LDLRAD4: variants seen among roughly 807,000 people sequenced by gnomAD.
The protein encoded by LDLRAD4 is low density lipoprotein receptor class A domain containing 4, also known as low-density lipoprotein receptor class A domain-containing protein 4.
A neutral mutation model predicts 17.0 loss-of-function variants in LDLRAD4; 5 were observed. That is an observed-to-expected ratio of 0.29 (90% confidence interval 0.15 to 0.62). The LOEUF is 0.62. Ranked by LOEUF, LDLRAD4 falls within the 20% of genes least tolerant of loss-of-function variation. The pLI is 0.84. For missense variants in LDLRAD4, 340 were observed against 424.7 expected (o/e 0.80, Z 1.75); for synonymous variants, 168 against 171.8 (o/e 0.98, Z 0.17).
rs1304740509 is a variant in LDLRAD4 at position 13,300,759 on chromosome 18, C to G, written c.-383+22571C>G. 6.6e-6 allele frequency among the ~76,000 whole-genome samples: 1 copy of G among 152,182 alleles called. No homozygotes were observed. Among genetic ancestry groups the G allele is most frequent in the East Asian group, 1.9e-4 (1 of 5,194 alleles). ...ATTGGGTTGTATTTCAGTGAGGGGT[C>G]TAGGCTGCTGAGGATTTCTCTCTGG... On this transcript the variant is annotated intron_variant, in intron 1 of 5. Transcript: ENST00000359446. This position sits in a 1 kb window ranked among gnomAD's most constrained non-coding sequence, Gnocchi z 4.2.
At chr18:13,448,649 C>T (rs988889815) in intron 3 of LDLRAD4, among the ~76,000 whole-genome samples, 2 of 150,182 alleles carry the variant, frequency 1.3e-5, no homozygotes, top group African/African-American at 2.5e-5. Context: ...GATTGGGGGG[C>T]GGAGGCTGGG....
chr18:13,221,005 T>C (rs1359917524), intron 1 of LDLRAD4, among the ~76,000 whole-genome samples: 1 of 152,212 alleles, frequency 6.6e-6, no homozygotes, highest in African/African-American at 2.4e-5. Flanking sequence ...TTCTTGAAAT[T>C]GTAGACTGCT....
intron 1 of LDLRAD4, chr18:13,240,686 C>G (rs1047869739): frequency 6.6e-6 from 1 of 152,370 alleles, no homozygotes; most frequent in African/African-American, 2.4e-5. Context: ...ATGGACTGTG[C>G]AGGCATCTGT....
chr18:13,489,704 A>G (rs2093319230), intron 3 of LDLRAD4: 1 of 152,010 alleles, frequency 6.6e-6, no homozygotes, highest in South Asian at 2.1e-4. Flanking sequence ...TTCTGTGACC[A>G]CCTGTATTAT....
chr18:13,645,886 A>T lies in LDLRAD4; in HGVS notation c.*229A>T. 26 of 343,036 alleles carry T rather than the reference A, an allele frequency of 7.6e-5. No individual in the cohort carries two copies. Among genetic ancestry groups the T allele is most frequent in the Non-Finnish European group, 9.4e-5 (18 of 192,382 alleles). 21.2% of individuals were successfully genotyped at this position (343,036 alleles called of 1,614,324 possible). A position where few individuals can be genotyped will look rare whatever the true frequency, so the allele number is the denominator to read the frequency against. On this transcript the variant is annotated 3_prime_UTR_variant, in exon 6 of 6. Coordinates refer to ENST00000359446, the Ensembl canonical transcript of LDLRAD4. This position sits in a 1 kb window ranked among gnomAD's most constrained non-coding sequence, Gnocchi z 5.7. ...CCGCAAACAGTGTTTATTTGGGGAC[A>T]GGGGTTGGGATGGGGGTGTGGGCAG... is the stretch of plus-strand genomic sequence containing the variant.
intron 1 of LDLRAD4, among the ~76,000 whole-genome samples, chr18:13,353,333 G>C (rs1408359254): frequency 6.6e-6 from 1 of 152,214 alleles, no homozygotes. Context: ...CACTGTGAAG[G>C]CTTAAGGCCT....
intron 3 of LDLRAD4, among the ~76,000 whole-genome samples, chr18:13,589,495 C>T (rs531998341): frequency 1.3e-5 from 2 of 152,272 alleles, no homozygotes; most frequent in Middle Eastern, 3.4e-3. Context: ...CTCCCATCAC[C>T]GTGGCTTTTT....
At chr18:13,244,264 A>G (rs1037520884) in intron 1 of LDLRAD4, among the ~76,000 whole-genome samples, 3 of 150,050 alleles carry the variant, frequency 2.0e-5, no homozygotes, top group Admixed American at 6.6e-5. Context: ...TCATTCTTCT[A>G]TCCATCCATC....
intron 3 of LDLRAD4, among the ~76,000 whole-genome samples, chr18:13,549,755 T>G (rs1297465360): frequency 6.6e-6 from 1 of 152,016 alleles, no homozygotes; most frequent in African/African-American, 2.4e-5. Context: ...GGCAGCCTTA[T>G]TTTAGTCTGT....
chr18:13,617,445 GA>G lies in LDLRAD4; in HGVS notation c.182-3665del, dbSNP rs1230192141. ...AAAATTCAAACTCCAAAAATCTTAG[GA>G]AAAAAATATGTTTAGAATATTAAAG... On this transcript the variant is annotated intron_variant, in intron 3 of 5. Coordinates refer to ENST00000359446, the Ensembl canonical transcript of LDLRAD4. Among the ~76,000 whole-genome samples the G allele has an allele frequency of 3.3e-5, 5 of 152,016 alleles. No individual in the cohort carries two copies. In the East Asian group the frequency reaches 7.7e-4, roughly 23 times the overall value.
At chr18:13,425,759 C>T (rs754370710) in intron 2 of LDLRAD4, among the ~76,000 whole-genome samples, 1 of 152,184 alleles carries the variant, frequency 6.6e-6, no homozygotes, top group Non-Finnish European at 1.5e-5. Context: ...CCTGTGCTTC[C>T]CGAGGTCGAG....
chr18:13,401,666 T>C (rs1451527315), intron 2 of LDLRAD4, among the ~76,000 whole-genome samples: 1 of 152,162 alleles, frequency 6.6e-6, no homozygotes, highest in Non-Finnish European at 1.5e-5. Context: ...CAAATGATGA[T>C]GTTTTGCTTG....
At chr18:13,552,797 C>T (rs1461797042) in intron 3 of LDLRAD4, among the ~76,000 whole-genome samples, 4 of 152,180 alleles carry the variant, frequency 2.6e-5, no homozygotes, top group East Asian at 1.9e-4. Flanking sequence ...TGGGTGTGCA[C>T]GGTTCTTTAC....
chr18:13,546,745 C>T (rs1030141915), intron 3 of LDLRAD4, among the ~76,000 whole-genome samples: 2 of 152,188 alleles, frequency 1.3e-5, no homozygotes, highest in Non-Finnish European at 2.9e-5. Flanking sequence ...TTCCCCCATC[C>T]GCCATCCCCA....
intron 3 of LDLRAD4, chr18:13,461,406 A>G (rs757491619): frequency 7.9e-5 from 12 of 152,250 alleles, no homozygotes; most frequent in Non-Finnish European, 1.8e-4. Context: ...TAGGAACACA[A>G]ACGTCATTGA....
chr18:13,229,247 C>A (rs541238264), intron 1 of LDLRAD4, among the ~76,000 whole-genome samples: 1 of 152,320 alleles, frequency 6.6e-6, no homozygotes, highest in East Asian at 1.9e-4. Flanking sequence ...GCTCAGTTAT[C>A]CTTCTAGCTG....
intron 3 of LDLRAD4, among the ~76,000 whole-genome samples, chr18:13,530,719 C>A (rs1344936285): frequency 6.6e-6 from 1 of 152,202 alleles, no homozygotes; most frequent in African/African-American, 2.4e-5. Flanking sequence ...GTGTGACATG[C>A]AGGGACCCTG....
intron 3 of LDLRAD4, among the ~76,000 whole-genome samples, chr18:13,475,089 G>A (rs963947556): frequency 6.6e-6 from 1 of 152,180 alleles, no homozygotes; most frequent in Non-Finnish European, 1.5e-5. Context: ...GTGTTGACGT[G>A]ACTCCAGAGG....
At chr18:13,646,902 T>A (rs570317970) in exon 6 of LDLRAD4, 140 of 152,406 alleles carry the variant, frequency 9.2e-4, no homozygotes, top group African/African-American at 3.1e-3. Context: ...GTGGGAGTGG[T>A]GTGGGTGGTG....
Sources: allele counts gnomAD v4.1 joint callset (sites outside exome capture counted in the v4.1 genomes callset), GRCh38; gene constraint gnomAD v4.1.1; non-coding constraint Gnocchi (gnomAD v3.1); transcripts MANE v1.5; gene names NCBI Gene and HGNC (gene_info 2026-07-23, HGNC 2026-07-21).